The following GLRA3 variants were observed in gnomAD, a reference collection of about 807,000 sequenced individuals.
The protein encoded by GLRA3 is glycine receptor subunit alpha-3.
Under a neutral mutation model 60.4 loss-of-function variants are expected in GLRA3, and 44 were observed. The observed-to-expected ratio is 0.73, with a 90% CI of 0.57 to 0.94. GLRA3 has a LOEUF of 0.94. Among genes scored for constraint, GLRA3 ranks in the 40% least tolerant of loss-of-function variants. GLRA3 has a pLI of 0.00. For missense variants in GLRA3, 508 were observed against 564.6 expected (o/e 0.90, Z 1.02); for synonymous variants, 223 against 192.9 (o/e 1.16, Z -1.29).
chr4:174,739,000 T>C (rs1345577379), intron 3 of GLRA3, among the ~76,000 whole-genome samples: 1 of 152,168 alleles, frequency 6.6e-6, no homozygotes, highest in East Asian at 1.9e-4. Flanking sequence ...GTTCAAACCA[T>C]GTAGAAAAGG....
intron 8 of GLRA3, 102 bp downstream of exon 8, chr4:174,658,951 TC>T (rs1733317350): frequency 3.2e-6 from 3 of 932,082 alleles, no homozygotes; most frequent in Non-Finnish European, 4.9e-6. Context: ...TATCATTTCA[TC>T]CCCAGTCCCA....
At chr4:174,691,766 C>A (rs1734824614) in intron 5 of GLRA3, among the ~76,000 whole-genome samples, 1 of 152,174 alleles carries the variant, frequency 6.6e-6, no homozygotes, top group African/African-American at 2.4e-5. Flanking sequence ...CAGCTGCCTG[C>A]CTTGGCCTCC....
At chr4:174,655,111 C>T (rs186463505) in intron 9 of GLRA3, among the ~76,000 whole-genome samples, 12 of 152,176 alleles carry the variant, frequency 7.9e-5, no homozygotes, top group African/African-American at 2.9e-4. Context: ...CCTGTTCTGC[C>T]AAATTAGAGT....
At position 174,781,643 on chromosome 4, in the gene GLRA3, A is replaced by G. The variant is rs866477770; in HGVS notation, c.199+7173T>C. 6.8e-3 allele frequency among the ~76,000 whole-genome samples: 1,027 copies of G among 151,328 alleles called. 12 individuals carry two copies. Among genetic ancestry groups the G allele is most frequent in the African/African-American group, 0.023 (965 of 41,144 alleles). On this transcript the variant is annotated intron_variant, in intron 2 of 9. Transcript: ENST00000274093. ...AATGAGAAAGGGGATATCACCACCG[A>G]TCCCACAGAAATACAAACTACCATC...
At chr4:174,661,814 G>A (rs1733453193) in intron 7 of GLRA3, among the ~76,000 whole-genome samples, 1 of 152,030 alleles carries the variant, frequency 6.6e-6, no homozygotes. Flanking sequence ...GAAAAGGGAA[G>A]GGAAGAACAA....
At chr4:174,734,736 G>A (rs769237308) in intron 3 of GLRA3, among the ~76,000 whole-genome samples, 38 of 152,170 alleles carry the variant, frequency 2.5e-4, no homozygotes, top group African/African-American at 3.6e-4. Context: ...TAACCTCTGC[G>A]TAAATATAAG....
At chr4:174,799,284 C>G (rs532254440) in intron 1 of GLRA3, among the ~76,000 whole-genome samples, 4 of 152,196 alleles carry the variant, frequency 2.6e-5, no homozygotes, top group African/African-American at 9.6e-5. Context: ...AAGTAGAAGC[C>G]TACACTTTAA....
intron 1 of GLRA3, among the ~76,000 whole-genome samples, chr4:174,814,646 T>A (rs1422991323): frequency 6.6e-6 from 1 of 152,196 alleles, no homozygotes; most frequent in East Asian, 1.9e-4. Flanking sequence ...AAGTCATGTC[T>A]TACATAGATT....
chr4:174,727,589 T>C (rs1736375924), intron 4 of GLRA3, among the ~76,000 whole-genome samples: 1 of 152,144 alleles, frequency 6.6e-6, no homozygotes, highest in African/African-American at 2.4e-5. Flanking sequence ...AGAAAAACAA[T>C]TATGGAAAAT....
At chr4:174,710,788 T>A (rs1417567980) in intron 5 of GLRA3, among the ~76,000 whole-genome samples, 1 of 152,082 alleles carries the variant, frequency 6.6e-6, no homozygotes, top group Non-Finnish European at 1.5e-5. Context: ...TCAACCTAAT[T>A]TTTTTTTCTT....
intron 1 of GLRA3, 106 bp downstream of exon 1, chr4:174,828,630 CAACAA>C: frequency 1.4e-6 from 1 of 700,036 alleles, no homozygotes; most frequent in South Asian, 1.6e-5. Flanking sequence ...TTGATTGTTT[CAACAA>C]GTCAATATAG....
intron 4 of GLRA3, among the ~76,000 whole-genome samples, chr4:174,720,869 C>A (rs188570910): frequency 5.3e-5 from 8 of 152,130 alleles, no homozygotes; most frequent in Middle Eastern, 3.2e-3. Context: ...GATATTACAG[C>A]AACTTAAGTA....
chr4:174,768,755 T>C (rs980666602), intron 2 of GLRA3, among the ~76,000 whole-genome samples: 2 of 152,274 alleles, frequency 1.3e-5, no homozygotes, highest in Admixed American at 6.5e-5. Flanking sequence ...GTAGCACATT[T>C]AGAACGTGAA....
chr4:174,775,733 T>C (rs528849879), intron 2 of GLRA3, among the ~76,000 whole-genome samples: 1 of 152,324 alleles, frequency 6.6e-6, no homozygotes, highest in Non-Finnish European at 1.5e-5. Context: ...AATTCAATTG[T>C]TTTATGTTAA....
chr4:174,654,769 C>T (rs958983093), intron 9 of GLRA3, among the ~76,000 whole-genome samples: 1 of 151,988 alleles, frequency 6.6e-6, no homozygotes, highest in Non-Finnish European at 1.5e-5. Context: ...AACCAAAATG[C>T]TTCCATATCA....
chr4:174,818,908 G>A (rs1442652324), intron 1 of GLRA3, among the ~76,000 whole-genome samples: 1 of 152,138 alleles, frequency 6.6e-6, no homozygotes, highest in Non-Finnish European at 1.5e-5. Context: ...ATATTAGATT[G>A]TTTTGTTATT....
intron 2 of GLRA3, among the ~76,000 whole-genome samples, chr4:174,769,450 T>C (rs180977045): frequency 6.6e-6 from 1 of 152,228 alleles, no homozygotes; most frequent in African/African-American, 2.4e-5. Flanking sequence ...GCTTCATATA[T>C]AATATTTCAC....
intron 2 of GLRA3, among the ~76,000 whole-genome samples, chr4:174,775,024 T>G (rs1488014408): frequency 2.6e-5 from 4 of 152,120 alleles, no homozygotes; most frequent in African/African-American, 9.7e-5. Context: ...AAATAATTAC[T>G]ACAGAAATAA....
chr4:174,656,002 G>A (rs572373705), intron 9 of GLRA3, among the ~76,000 whole-genome samples: 130 of 152,160 alleles, frequency 8.5e-4, no homozygotes, highest in African/African-American at 3.1e-3. Flanking sequence ...CAGAAATTAA[G>A]TTTAGTAGAC....
Sources: allele counts gnomAD v4.1 joint callset (sites outside exome capture counted in the v4.1 genomes callset), GRCh38; gene constraint gnomAD v4.1.1; transcripts MANE v1.5; gene names NCBI Gene and HGNC (gene_info 2026-07-23, HGNC 2026-07-21).